Variants in GPHN observed in about 807,000 individuals in gnomAD.
GPHN encodes the protein gephyrin.
A neutral mutation model predicts 95.5 loss-of-function variants in GPHN; 17 were observed. The observed-to-expected ratio is 0.18, with a 90% CI of 0.12 to 0.27. The LOEUF (loss-of-function observed/expected upper bound fraction) is 0.27, where lower values mean the gene tolerates loss of function less well. Ranked by LOEUF, GPHN falls within the 10% of genes least tolerant of loss-of-function variation. GPHN has a pLI of 1.00. For synonymous variants in GPHN, 320 were observed against 322.5 expected, an observed-to-expected ratio of 0.99 and a Z score of 0.08; for missense variants, 660 against 978.1, an observed-to-expected ratio of 0.67 and a Z score of 4.34.
chr14:67,326,047 G>C, the GPHN span, among the ~76,000 whole-genome samples: 1 of 136,570 alleles, frequency 7.3e-6, no homozygotes, highest in Admixed American at 8.0e-5. Flanking sequence ...GGATGGTCTC[G>C]ATCTCGTGAC....
chr14:66,991,308 A>T (rs2071403948), intron 9 of GPHN, among the ~76,000 whole-genome samples: 1 of 152,130 alleles, frequency 6.6e-6, no homozygotes, highest in African/African-American at 2.4e-5. Context: ...AATTACTACA[A>T]ATCCTTAGAT....
the GPHN span, chr14:67,693,072 G>A: frequency 3.9e-6 from 6 of 1,550,056 alleles, no homozygotes; most frequent in East Asian, 2.3e-5. Flanking sequence ...GAGAAGGAGA[G>A]CTCATCAATT....
At chr14:67,674,374 C>T in the GPHN span, 1 of 1,591,588 alleles carries the variant, frequency 6.3e-7, no homozygotes, top group Non-Finnish European at 8.5e-7. Context: ...CCCCGCCTCA[C>T]CGGTCCCCGC....
intron 3 of GPHN, 22 bp from the exon 4 acceptor site, chr14:66,824,452 C>G: frequency 3.1e-6 from 4 of 1,310,952 alleles, no homozygotes; most frequent in Non-Finnish European, 4.4e-6. Flanking sequence ...CTGCACATGA[C>G]TATACTATTG....
At chr14:66,995,167 CA>C (rs1333415554) in intron 9 of GPHN, among the ~76,000 whole-genome samples, 2 of 152,134 alleles carry the variant, frequency 1.3e-5, no homozygotes, top group African/African-American at 4.8e-5. Flanking sequence ...CATTGTGAGA[CA>C]ACCTAACGAG....
chr14:66,917,649 A>G (rs1048152414), intron 6 of GPHN, among the ~76,000 whole-genome samples: 4 of 152,198 alleles, frequency 2.6e-5, no homozygotes, highest in African/African-American at 9.7e-5. Flanking sequence ...ATTCATTTAG[A>G]GTAGGATTGT....
intron 4 of GPHN, among the ~76,000 whole-genome samples, chr14:66,864,705 G>A (rs2063161856): frequency 6.6e-6 from 1 of 152,062 alleles, no homozygotes; most frequent in South Asian, 2.1e-4. Context: ...CCCAGCGGGT[G>A]GAGATTGCAG....
the GPHN span, chr14:67,203,121 C>T: frequency 6.2e-7 from 1 of 1,613,548 alleles, no homozygotes. Context: ...ATCCATTTAC[C>T]TTCATAACCG....
the GPHN span, chr14:67,724,345 G>A: frequency 1.3e-6 from 1 of 765,258 alleles, no homozygotes; most frequent in East Asian, 2.6e-5. Context: ...GCTTTTATGA[G>A]TCTCCTGACT....
At chr14:66,618,605 T>C (rs1347941999) in intron 1 of GPHN, among the ~76,000 whole-genome samples, 1 of 152,198 alleles carries the variant, frequency 6.6e-6, no homozygotes, top group Non-Finnish European at 1.5e-5. Context: ...TCTATACTTC[T>C]GTTTTCATTT....
chr14:67,368,962 C>G, the GPHN span, among the ~76,000 whole-genome samples: 2 of 151,796 alleles, frequency 1.3e-5, no homozygotes, highest in Non-Finnish European at 2.9e-5. Flanking sequence ...AAGAAAAAAA[C>G]AAAAACCAGA....
chr14:67,667,965 CA>C, the GPHN span, among the ~76,000 whole-genome samples: 1 of 151,436 alleles, frequency 6.6e-6, no homozygotes, highest in Non-Finnish European at 1.5e-5. Context: ...AACAAACAAA[CA>C]AAAAAAATGA....
At chr14:66,573,790 TAA>T (rs1408912639) in intron 1 of GPHN, among the ~76,000 whole-genome samples, 5 of 152,140 alleles carry the variant, frequency 3.3e-5, no homozygotes, top group Non-Finnish European at 7.4e-5. Context: ...TCTTGTGACT[TAA>T]AGTCTACTTT....
At chr14:67,447,164 T>C in the GPHN span, 2 of 152,240 alleles carry the variant, frequency 1.3e-5, no homozygotes, top group Non-Finnish European at 2.9e-5. Context: ...AGGTTCAGTG[T>C]CTGGCAAGGG....
In GPHN at chr14:66,880,867, T is replaced by A. The variant is rs576010701; in HGVS notation, c.389+834T>A. On this transcript the variant is annotated intron_variant, in intron 5 of 22. Coordinates refer to ENST00000478722, the MANE Select transcript of GPHN (RefSeq NM_020806.5). ...GATCCCCTAAATGAGGACAATTACA[T>A]CACTTAAGTTAAAGATAGAAGTGTC... Among the ~76,000 whole-genome samples the A allele has an allele frequency of 3.3e-5, 5 of 152,110 alleles. No homozygotes were observed. In the East Asian group the frequency reaches 9.6e-4, roughly 29 times the overall value.
At chr14:67,058,851 C>A in intron 11 of GPHN, 65 bp downstream of exon 11, 1 of 1,273,456 alleles carries the variant, frequency 7.9e-7, no homozygotes, top group Non-Finnish European at 1.1e-6. Flanking sequence ...ATTCATGTAA[C>A]ATTAATGCAC....
the GPHN span, among the ~76,000 whole-genome samples, chr14:67,407,895 C>G: frequency 6.6e-6 from 1 of 152,164 alleles, no homozygotes; most frequent in Non-Finnish European, 1.5e-5. Context: ...TTCGCTTGAG[C>G]TCAAGAGCTC....
At chr14:66,546,412 A>T (rs1017037957) in intron 1 of GPHN, among the ~76,000 whole-genome samples, 1 of 152,078 alleles carries the variant, frequency 6.6e-6, no homozygotes. Context: ...TGGGAGGCCA[A>T]GGCAGGCGGC....
the GPHN span, among the ~76,000 whole-genome samples, chr14:67,350,972 A>G: frequency 6.6e-6 from 1 of 152,242 alleles, no homozygotes; most frequent in Non-Finnish European, 1.5e-5. Context: ...GAATGGGTAC[A>G]TGCTGATTTA....
Sources: allele counts gnomAD v4.1 joint callset (sites outside exome capture counted in the v4.1 genomes callset), GRCh38; gene constraint gnomAD v4.1.1; transcripts MANE v1.5; gene names NCBI Gene and HGNC (gene_info 2026-07-23, HGNC 2026-07-21).